ADAMTS12: variants seen among roughly 807,000 people sequenced by gnomAD.
ADAMTS12 encodes A disintegrin and metalloproteinase with thrombospondin motifs 12.
A neutral mutation model predicts 167.8 loss-of-function variants in ADAMTS12; 118 were observed. That is an observed-to-expected ratio of 0.70 (90% CI 0.61 to 0.82). The LOEUF (loss-of-function observed/expected upper bound fraction) is 0.82. ADAMTS12 is among the 40% of genes least tolerant of loss of function. The probability of loss-of-function intolerance (pLI) is 0.00; values close to 1 mark genes in which losing one functional copy is unlikely to be tolerated. For synonymous variants in ADAMTS12, 704 were observed against 716.9 expected (o/e 0.98, Z 0.29); for missense variants, 1,916 against 1,998.8 (o/e 0.96, Z 0.79).
intron 16 of ADAMTS12, among the ~76,000 whole-genome samples, chr5:33,598,955 T>C (rs1738051622): frequency 6.6e-6 from 1 of 152,176 alleles, no homozygotes; most frequent in African/African-American, 2.4e-5. Flanking sequence ...CTCGGGACAC[T>C]CCAGCTACCA....
intron 3 of ADAMTS12, among the ~76,000 whole-genome samples, chr5:33,694,391 C>CA (rs1448982194): frequency 6.6e-6 from 1 of 152,126 alleles, no homozygotes; most frequent in African/African-American, 2.4e-5. Flanking sequence ...TAAACCTATG[C>CA]AATTTGAGTT....
intron 3 of ADAMTS12, among the ~76,000 whole-genome samples, chr5:33,749,315 A>G (rs1422386715): frequency 6.6e-6 from 1 of 152,184 alleles, no homozygotes; most frequent in East Asian, 1.9e-4. Flanking sequence ...CTTCAGGTAG[A>G]ATAGAACCGT....
intron 9 of ADAMTS12, among the ~76,000 whole-genome samples, chr5:33,646,094 G>A (rs1003483460): frequency 6.6e-6 from 1 of 152,158 alleles, no homozygotes; most frequent in Non-Finnish European, 1.5e-5. Context: ...TTCAGAGAAT[G>A]GAGGCTGTTC....
At chr5:33,784,109 A>G (rs1282363400) in intron 2 of ADAMTS12, among the ~76,000 whole-genome samples, 1 of 151,968 alleles carries the variant, frequency 6.6e-6, no homozygotes, top group African/African-American at 2.4e-5. Context: ...CAAAAACCAT[A>G]TGACCCTCTC....
intron 3 of ADAMTS12, among the ~76,000 whole-genome samples, chr5:33,735,838 G>C (rs967550191): frequency 6.6e-6 from 1 of 152,124 alleles, no homozygotes; most frequent in Admixed American, 6.5e-5. Context: ...CTGGTGCCCA[G>C]GAACATCCTG....
chr5:33,579,847 GATA>G (rs546650478), intron 18 of ADAMTS12, among the ~76,000 whole-genome samples: 27 of 152,200 alleles, frequency 1.8e-4, no homozygotes, highest in Non-Finnish European at 2.6e-4. Flanking sequence ...TAATGATGCT[GATA>G]ATAATAATAG....
chr5:33,682,977 G>T, intron 5 of ADAMTS12, 41 bp downstream of exon 5: 1 of 1,550,122 alleles, frequency 6.5e-7, no homozygotes, highest in Non-Finnish European at 8.9e-7. Context: ...GGTAGGAAGT[G>T]CGAGGACATA....
In ADAMTS12 at chr5:33,636,512, T is replaced by C. The variant is rs539393429; in HGVS notation, c.1888+1065A>G. ...ACGATTGGGGGCAAGGAGCAATCAC[T>C]GCCCTTGACAACTAAGAGCATCAGG... On this transcript the variant is annotated intron_variant, in intron 12 of 23. Coordinates refer to ENST00000504830, the MANE Select transcript of ADAMTS12 (RefSeq NM_030955.4). Among the ~76,000 whole-genome samples the C allele has an allele frequency of 2.0e-5, 3 of 152,282 alleles. No individual in the cohort carries two copies. In the South Asian group the frequency reaches 6.2e-4, roughly 32 times the overall value.
At position 33,692,102 on chromosome 5, in the gene ADAMTS12, T is replaced by C. The variant is rs960902238; in HGVS notation, c.635-8047A>G. On this transcript the variant is annotated intron_variant, in intron 3 of 23. Coordinates refer to ENST00000504830, the MANE Select transcript of ADAMTS12 (RefSeq NM_030955.4). ...GACTGCTAATTGTCCTCAATATTTG[T>C]TCTTCCCCTCTTCCTCCTTGATTTT... 5.3e-5 allele frequency among the ~76,000 whole-genome samples: 8 copies of C among 152,230 alleles called. No individual in the cohort carries two copies. In the South Asian group the frequency reaches 1.7e-3, roughly 32 times the overall value.
At chr5:33,625,753 C>A (rs999921111) in intron 13 of ADAMTS12, among the ~76,000 whole-genome samples, 3 of 152,188 alleles carry the variant, frequency 2.0e-5, no homozygotes, top group African/African-American at 7.2e-5. Flanking sequence ...TGTCCCACAG[C>A]ATATTAAATG....
chr5:33,849,506 T>C (rs144911072), intron 2 of ADAMTS12, among the ~76,000 whole-genome samples: 3,641 of 124,818 alleles, frequency 0.029, 276 homozygotes, highest in East Asian at 0.14. Context: ...ATGTATTGCA[T>C]AGCAATATAT....
intron 16 of ADAMTS12, chr5:33,603,480 G>T (rs1184269034): frequency 3.9e-5 from 6 of 152,170 alleles, no homozygotes; most frequent in Admixed American, 3.9e-4. Context: ...CAAGTTTCCT[G>T]AGGAGTAGTC....
At chr5:33,652,946 A>G (rs973482012) in intron 7 of ADAMTS12, among the ~76,000 whole-genome samples, 11 of 152,136 alleles carry the variant, frequency 7.2e-5, no homozygotes, top group African/African-American at 2.7e-4. Context: ...TCCCCCACAT[A>G]TACAATGATG....
chr5:33,564,558 G>A (rs1259976637), intron 19 of ADAMTS12, among the ~76,000 whole-genome samples: 1 of 152,222 alleles, frequency 6.6e-6, no homozygotes, highest in Non-Finnish European at 1.5e-5. Flanking sequence ...TTGTGCAACA[G>A]TGTGTGGAAA....
intron 3 of ADAMTS12, among the ~76,000 whole-genome samples, chr5:33,698,370 T>C (rs1334347679): frequency 6.6e-6 from 1 of 152,194 alleles, no homozygotes; most frequent in Non-Finnish European, 1.5e-5. Flanking sequence ...AAAGTTTCCA[T>C]ACAGTGGACC....
intron 3 of ADAMTS12, among the ~76,000 whole-genome samples, chr5:33,719,396 T>A (rs558518994): frequency 2.6e-5 from 4 of 152,192 alleles, no homozygotes; most frequent in Non-Finnish European, 5.9e-5. Context: ...GGGTGAAAAG[T>A]GATACAACTG....
intron 18 of ADAMTS12, among the ~76,000 whole-genome samples, chr5:33,584,337 T>G (rs929027882): frequency 6.6e-6 from 1 of 152,308 alleles, no homozygotes; most frequent in East Asian, 1.9e-4. Context: ...AGGGTCCTTT[T>G]GTTTTTATAG....
At chr5:33,754,291 C>T (rs577902232) in intron 2 of ADAMTS12, among the ~76,000 whole-genome samples, 1 of 152,320 alleles carries the variant, frequency 6.6e-6, no homozygotes, top group South Asian at 2.1e-4. Context: ...ATTCTGGTCT[C>T]CTTTGCAACC....
intron 2 of ADAMTS12, among the ~76,000 whole-genome samples, chr5:33,851,830 T>C (rs1749230809): frequency 6.6e-6 from 1 of 152,256 alleles, no homozygotes; most frequent in Non-Finnish European, 1.5e-5. Context: ...AACCCCTTTC[T>C]GCAGACTTAT....
Sources: gnomAD v4.1 joint callset for allele counts (sites outside exome capture counted in the v4.1 genomes callset) on GRCh38, gnomAD v4.1.1 for gene constraint, MANE v1.5 for transcripts, NCBI Gene and HGNC (gene_info 2026-07-23, HGNC 2026-07-21) for gene names.